Variants in SYT9 observed in about 807,000 individuals in gnomAD.
SYT9 encodes synaptotagmin 9.
In SYT9, 22 loss-of-function variants were observed where a neutral mutation model predicts 48.4. The observed-to-expected ratio is 0.45, with a 90% confidence interval of 0.32 to 0.65. SYT9 has a LOEUF of 0.65. Among genes scored for constraint, SYT9 ranks in the 30% least tolerant of loss-of-function variants. SYT9 has a pLI of 0.03. For missense variants in SYT9, 577 were observed against 622.0 expected (o/e 0.93, Z 0.77); for synonymous variants, 265 against 245.0 (o/e 1.08, Z -0.76).
chr11:7,260,596 G>T (rs1848060830), intron 1 of SYT9, among the ~76,000 whole-genome samples: 1 of 152,174 alleles, frequency 6.6e-6, no homozygotes, highest in Non-Finnish European at 1.5e-5. Flanking sequence ...TAAGCCCAAA[G>T]CAAAGCACAC....
intron 3 of SYT9, among the ~76,000 whole-genome samples, chr11:7,349,384 C>CACACACAT (rs1409408616): frequency 6.7e-6 from 1 of 150,294 alleles, no homozygotes; most frequent in Admixed American, 6.6e-5. Flanking sequence ...AATATACAAA[C>CACACACAT]ACACACACAC....
intron 6 of SYT9, among the ~76,000 whole-genome samples, chr11:7,432,155 C>T (rs1378994305): frequency 6.6e-6 from 1 of 152,214 alleles, no homozygotes; most frequent in African/African-American, 2.4e-5. Context: ...CCCTGCAAAA[C>T]CATAGGGGCA....
At chr11:7,420,095 G>C (rs1847322389) in intron 5 of SYT9, among the ~76,000 whole-genome samples, 1 of 152,120 alleles carries the variant, frequency 6.6e-6, no homozygotes. Flanking sequence ...AAGACCCATG[G>C]CTGCCAGACA....
In SYT9 at chr11:7,252,375, G is replaced by C. The variant is rs948903715; in HGVS notation, c.145+44G>C. On this transcript the variant is annotated intron_variant, in intron 1 of 6. Transcript: ENST00000318881. The surrounding 1 kb of genome is among the most constrained non-coding windows in gnomAD (Gnocchi z 6.3). ...GCCTGGAGGGACCTAAGGGCCCTGG[G>C]CTGGGACTTGGGGCCGCACCGGGGC... is the stretch of plus-strand genomic sequence containing the variant. The C allele has an allele frequency of 5.0e-6, 7 of 1,388,498 alleles. No homozygotes were observed. The African/African-American group carries it at 1.1e-4, about 21-fold the overall frequency. 86.0% of individuals were successfully genotyped at this position (1,388,498 alleles called of 1,614,324 possible). A position where few individuals can be genotyped will look rare whatever the true frequency, so the allele number is the denominator to read the frequency against.
chr11:7,252,258 C>G lies in SYT9; in HGVS notation c.72C>G (p.Ala24=). The part of the protein sequence containing the change: ...QLLAELCARG[A]LEHDSCQDFI... ...TGGCCGAGCTCTGTGCCCGTGGGGC[C>G]CTGGAGCACGACAGCTGCCAGGATT... The change falls in exon 1 of 7, where the codon GCC becomes GCG. Residue 24 remains alanine, a synonymous_variant. Transcript: ENST00000318881. The surrounding 1 kb of genome is among the most constrained non-coding windows in gnomAD (Gnocchi z 6.3). The G allele has an allele frequency of 6.6e-7, 1 of 1,508,270 alleles. No homozygotes were observed. The highest frequency in any genetic ancestry group is 2.8e-5 in the East Asian group (1 of 35,266). 93.4% of individuals were successfully genotyped at this position (1,508,270 alleles called of 1,614,324 possible).
At chr11:7,344,001 A>T (rs1849757444) in intron 3 of SYT9, among the ~76,000 whole-genome samples, 1 of 152,140 alleles carries the variant, frequency 6.6e-6, no homozygotes, top group Non-Finnish European at 1.5e-5. Flanking sequence ...TGATTCAATT[A>T]TCTCCCACCA....
At chr11:7,392,164 G>GCTTT (rs1846635791) in intron 3 of SYT9, among the ~76,000 whole-genome samples, 1 of 151,972 alleles carries the variant, frequency 6.6e-6, no homozygotes, top group East Asian at 1.9e-4. Flanking sequence ...TGAGGACTTA[G>GCTTT]TCATACATTA....
intron 6 of SYT9, among the ~76,000 whole-genome samples, chr11:7,460,848 G>A (rs898623602): frequency 6.6e-6 from 1 of 152,180 alleles, no homozygotes; most frequent in African/African-American, 2.4e-5. Context: ...CTGTGTCACA[G>A]TTACTCTTCT....
At chr11:7,296,475 G>A (rs532184908) in intron 1 of SYT9, among the ~76,000 whole-genome samples, 3 of 152,314 alleles carry the variant, frequency 2.0e-5, no homozygotes, top group African/African-American at 7.2e-5. Flanking sequence ...GCCTGTTGAG[G>A]TGTGTATGGA....
At chr11:7,355,611 A>T (rs1301786766) in intron 3 of SYT9, among the ~76,000 whole-genome samples, 1 of 152,202 alleles carries the variant, frequency 6.6e-6, no homozygotes, top group Admixed American at 6.5e-5. Context: ...CATTGAGTAG[A>T]CAGTTAAACA....
intron 3 of SYT9, among the ~76,000 whole-genome samples, chr11:7,349,919 C>T (rs1014921503): frequency 9.8e-5 from 15 of 152,286 alleles, no homozygotes; most frequent in Admixed American, 5.2e-4. Flanking sequence ...ACAATGCTTC[C>T]ATCAACTCTA....
At position 7,252,082 on chromosome 11, in the gene SYT9, T is replaced by C. The variant is rs1450011582; in HGVS notation, c.-105T>C. The C allele has an allele frequency of 1.6e-6, 2 of 1,259,360 alleles. No homozygotes were observed. The highest frequency in any genetic ancestry group is 3.1e-5 in the African/African-American group (2 of 63,614). 78.0% of individuals were successfully genotyped at this position (1,259,360 alleles called of 1,614,324 possible). A position where few individuals can be genotyped will look rare whatever the true frequency, so the allele number is the denominator to read the frequency against. On this transcript the variant is annotated 5_prime_UTR_variant, in exon 1 of 7. Coordinates refer to ENST00000318881, the MANE Select transcript of SYT9 (RefSeq NM_175733.4). The surrounding 1 kb of genome is among the most constrained non-coding windows in gnomAD (Gnocchi z 6.3). Reference sequence around the variant, plus strand: ...CTCGCACCGTTTCTCGGCAGGTCCCTGGCGGTGAGCGCGGACGGCCCGGAG... The same window carrying C: ...CTCGCACCGTTTCTCGGCAGGTCCCCGGCGGTGAGCGCGGACGGCCCGGAG...
intron 6 of SYT9, among the ~76,000 whole-genome samples, chr11:7,450,661 G>A (rs1311266435): frequency 6.6e-6 from 1 of 152,218 alleles, no homozygotes; most frequent in Admixed American, 6.5e-5. Context: ...TCCAAATGCG[G>A]ACTTACTTCT....
At position 7,313,630 on chromosome 11, in the gene SYT9, G is replaced by A. The variant is rs267603183; in HGVS notation, c.733G>A (p.Val245Ile). 1 of 1,614,148 alleles carries A rather than the reference G, an allele frequency of 6.2e-7. No homozygotes were observed. The highest frequency in any genetic ancestry group is 8.5e-7 in the Non-Finnish European group (1 of 1,180,020). The change falls in exon 3 of 7, where the codon GTC becomes ATC. Residue 245 changes from valine (V) to isoleucine (I), a missense_variant. Transcript: ENST00000318881. ...EQLIVKIHKA[V>I]NLPAKDFSGT... is the part of the protein sequence containing the mutation. ...GCTCATAGTGAAGATTCACAAAGCTGTCAATTTGCCCGCCAAGGACTTTTC... is the reference window on the plus strand; with the variant it reads ...GCTCATAGTGAAGATTCACAAAGCTATCAATTTGCCCGCCAAGGACTTTTC...
chr11:7,367,837 T>C (rs1206635454), intron 3 of SYT9, among the ~76,000 whole-genome samples: 2 of 152,344 alleles, frequency 1.3e-5, no homozygotes, highest in East Asian at 3.9e-4. Context: ...TTATAAAAAC[T>C]GCCTATATTA....
chr11:7,316,879 C>T (rs186384978), intron 3 of SYT9, among the ~76,000 whole-genome samples: 52 of 152,310 alleles, frequency 3.4e-4, no homozygotes, highest in East Asian at 2.1e-3. Context: ...CCGGTTTGAC[C>T]ATCTCTTGAT....
At chr11:7,323,237 T>C (rs1404737263) in intron 3 of SYT9, among the ~76,000 whole-genome samples, 2 of 152,126 alleles carry the variant, frequency 1.3e-5, no homozygotes, top group African/African-American at 2.4e-5. Context: ...TGAAGTAAAT[T>C]GTATCTCTAA....
intron 6 of SYT9, among the ~76,000 whole-genome samples, chr11:7,465,369 CT>C (rs1848312758): frequency 1.3e-5 from 2 of 152,222 alleles, no homozygotes; most frequent in Admixed American, 1.3e-4. Context: ...CTTTTGATCT[CT>C]GAAATGAAGT....
chr11:7,282,922 A>G (rs183944795), intron 1 of SYT9, among the ~76,000 whole-genome samples: 2,822 of 150,898 alleles, frequency 0.019, 73 homozygotes, highest in African/African-American at 0.066. Context: ...ACACACACAC[A>G]CACGCACACA....
Sources: allele counts gnomAD v4.1 joint callset (sites outside exome capture counted in the v4.1 genomes callset), GRCh38; gene constraint gnomAD v4.1.1; non-coding constraint Gnocchi (gnomAD v3.1); transcripts MANE v1.5; gene names NCBI Gene and HGNC (gene_info 2026-07-23, HGNC 2026-07-21).